DPP10: variants seen among roughly 807,000 people sequenced by gnomAD.
DPP10 encodes dipeptidyl peptidase like 10.
In DPP10, 33 loss-of-function variants were observed where a neutral mutation model predicts 120.9. The ratio of observed to expected loss-of-function variants is 0.27; its 90% CI spans 0.21 to 0.37. The LOEUF (loss-of-function observed/expected upper bound fraction) is 0.37. Among genes scored for constraint, DPP10 ranks in the 10% least tolerant of loss-of-function variants. DPP10 has a pLI of 1.00. For synonymous variants in DPP10, 337 were observed against 326.1 expected (o/e 1.03, Z -0.36); for missense variants, 816 against 942.8 (o/e 0.87, Z 1.76).
At chr2:114,462,382 A>T (rs186460706) in intron 1 of DPP10, among the ~76,000 whole-genome samples, 2 of 152,258 alleles carry the variant, frequency 1.3e-5, no homozygotes, top group African/African-American at 4.8e-5. Context: ...CCTCTAACAC[A>T]TGACATTTAG....
chr2:114,831,758 T>G (rs1200211983), intron 1 of DPP10, among the ~76,000 whole-genome samples: 4 of 151,766 alleles, frequency 2.6e-5, no homozygotes, highest in African/African-American at 9.7e-5. Context: ...CAGTACCACA[T>G]TCATACTTCA....
intron 3 of DPP10, among the ~76,000 whole-genome samples, chr2:115,479,177 G>A (rs987711022): frequency 7.2e-5 from 11 of 152,022 alleles, no homozygotes; most frequent in Non-Finnish European, 1.6e-4. Context: ...TGGATGAGTT[G>A]GATAAACAAA....
At chr2:114,444,724 A>G (rs1481085024) in intron 1 of DPP10, among the ~76,000 whole-genome samples, 1 of 152,196 alleles carries the variant, frequency 6.6e-6, no homozygotes, top group Non-Finnish European at 1.5e-5. Flanking sequence ...GTATTATATT[A>G]ATGGCTTAAT....
intron 1 of DPP10, among the ~76,000 whole-genome samples, chr2:114,533,992 C>T (rs1056702357): frequency 1.3e-5 from 2 of 152,154 alleles, no homozygotes; most frequent in Non-Finnish European, 2.9e-5. Flanking sequence ...GCTGTGATAT[C>T]TCTTTCTAGA....
chr2:115,174,386 T>C (rs1193941171), intron 1 of DPP10, among the ~76,000 whole-genome samples: 1 of 152,186 alleles, frequency 6.6e-6, no homozygotes, highest in East Asian at 1.9e-4. Flanking sequence ...AAACAGTATT[T>C]GAGGAAGAGA....
intron 3 of DPP10, among the ~76,000 whole-genome samples, chr2:115,457,691 G>C (rs2105034910): frequency 6.6e-6 from 1 of 151,230 alleles, no homozygotes; most frequent in South Asian, 2.1e-4. Context: ...GCAAAATGCG[G>C]AGAGACTAGA....
At chr2:114,736,243 G>A (rs953230549) in intron 1 of DPP10, among the ~76,000 whole-genome samples, 2 of 151,776 alleles carry the variant, frequency 1.3e-5, no homozygotes, top group Admixed American at 6.6e-5. Context: ...CTTTAACTCT[G>A]TGCGTGCTCA....
chr2:114,516,896 T>C (rs879816369), intron 1 of DPP10, among the ~76,000 whole-genome samples: 3 of 152,252 alleles, frequency 2.0e-5, no homozygotes, highest in Non-Finnish European at 4.4e-5. Flanking sequence ...TAATATTTGT[T>C]GTAGGAATTC....
At chr2:115,660,935 T>C (rs2088908978) in intron 5 of DPP10, among the ~76,000 whole-genome samples, 1 of 151,298 alleles carries the variant, frequency 6.6e-6, no homozygotes, top group Non-Finnish European at 1.5e-5. Flanking sequence ...CAGAAGTAAA[T>C]GTGCAACCAG....
At chr2:114,796,253 G>A (rs755129748) in intron 1 of DPP10, among the ~76,000 whole-genome samples, 7 of 152,132 alleles carry the variant, frequency 4.6e-5, no homozygotes, top group Admixed American at 3.3e-4. Context: ...GCAGAGAAAT[G>A]TCATGACATT....
At chr2:114,886,678 CAA>C (rs1692099521) in intron 1 of DPP10, among the ~76,000 whole-genome samples, 1 of 152,142 alleles carries the variant, frequency 6.6e-6, no homozygotes, top group African/African-American at 2.4e-5. Flanking sequence ...CATAAATTAT[CAA>C]AAGTCTGTTA....
At chr2:115,278,528 C>T (rs1157734096) in intron 1 of DPP10, among the ~76,000 whole-genome samples, 1 of 152,016 alleles carries the variant, frequency 6.6e-6, no homozygotes, top group Non-Finnish European at 1.5e-5. Context: ...GCAGACTGTA[C>T]AAGAAGCACG....
At chr2:115,623,300 C>T (rs887183033) in intron 5 of DPP10, among the ~76,000 whole-genome samples, 16 of 152,048 alleles carry the variant, frequency 1.1e-4, no homozygotes, top group Non-Finnish European at 2.1e-4. Flanking sequence ...CAAAAATTTA[C>T]GTCCTCAATC....
At chr2:115,724,145 T>C (rs892865915) in intron 7 of DPP10, among the ~76,000 whole-genome samples, 8 of 152,218 alleles carry the variant, frequency 5.3e-5, no homozygotes, top group Non-Finnish European at 7.3e-5. Flanking sequence ...GAATCACTTA[T>C]GGTAAGCTAA....
At chr2:115,831,258 C>CTTTA (rs1553519498) in intron 21 of DPP10, among the ~76,000 whole-genome samples, 4 of 151,424 alleles carry the variant, frequency 2.6e-5, no homozygotes, top group Non-Finnish European at 4.4e-5. Flanking sequence ...TTCTTTCTTT[C>CTTTA]TTTATTTTGA....
chr2:115,542,932 G>T (rs1428661013), intron 5 of DPP10, among the ~76,000 whole-genome samples: 2 of 151,720 alleles, frequency 1.3e-5, no homozygotes, highest in South Asian at 2.1e-4. Flanking sequence ...CTTTTAAAAA[G>T]ATTTCCATTT....
At chr2:114,894,687 T>G (rs1692822093) in intron 1 of DPP10, among the ~76,000 whole-genome samples, 1 of 152,152 alleles carries the variant, frequency 6.6e-6, no homozygotes, top group African/African-American at 2.4e-5. Flanking sequence ...AATAACCTGA[T>G]TTTATAAGGT....
intron 1 of DPP10, among the ~76,000 whole-genome samples, chr2:114,831,273 T>C (rs899308271): frequency 3.3e-5 from 5 of 152,154 alleles, no homozygotes; most frequent in Non-Finnish European, 5.9e-5. Context: ...ACTAGGTTCA[T>C]GCATTTGTGT....
chr2:115,169,867 G>A (rs866266461), intron 1 of DPP10, among the ~76,000 whole-genome samples: 1 of 152,090 alleles, frequency 6.6e-6, no homozygotes, highest in African/African-American at 2.4e-5. Context: ...ATAAAAGATA[G>A]CAAATGAAGA....
Sources: gnomAD v4.1 joint callset for allele counts (sites outside exome capture counted in the v4.1 genomes callset) on GRCh38, gnomAD v4.1.1 for gene constraint, MANE v1.5 for transcripts, NCBI Gene and HGNC (gene_info 2026-07-23, HGNC 2026-07-21) for gene names.